The following HIKESHI variants were observed in gnomAD, a reference collection of about 807,000 sequenced individuals.
HIKESHI encodes protein Hikeshi.
Under a neutral mutation model 25.7 loss-of-function variants are expected in HIKESHI, and 13 were observed. The observed-to-expected ratio is 0.51, with a 90% confidence interval of 0.33 to 0.80. HIKESHI has a LOEUF of 0.80. Ranked by LOEUF, HIKESHI falls within the 30% of genes least tolerant of loss-of-function variation. The probability of loss-of-function intolerance (pLI) is 0.02; values close to 1 mark genes in which losing one functional copy is unlikely to be tolerated. For missense variants in HIKESHI, 174 were observed against 229.5 expected (o/e 0.76, Z 1.56); for synonymous variants, 76 against 78.7 (o/e 0.97, Z 0.18).
intron 3 of HIKESHI, among the ~76,000 whole-genome samples, chr11:86,338,572 A>G (rs1212836886): frequency 2.0e-5 from 3 of 152,188 alleles, no homozygotes; most frequent in African/African-American, 7.2e-5. Context: ...AGACTACTAA[A>G]TAAGTCTTCT....
chr11:86,306,349 A>G lies in HIKESHI; in HGVS notation c.135A>G (p.Pro45=), dbSNP rs1486953303. The part of the protein sequence containing the change: ...HVVVFMLGTI[P]FPEGMGGSVY... ...TGGTTTTTATGCTGGGAACAATCCCATTTCCTGAGGGAATGGGAGGATCTG... is the reference window on the plus strand; with the variant it reads ...TGGTTTTTATGCTGGGAACAATCCCGTTTCCTGAGGGAATGGGAGGATCTG... The change falls in exon 2 of 5, where the codon CCA becomes CCG. Residue 45 remains proline (P), a synonymous_variant. Coordinates refer to ENST00000278483, the MANE Select transcript of HIKESHI (RefSeq NM_016401.4). The G allele has an allele frequency of 9.9e-6, 16 of 1,613,972 alleles. No homozygotes were observed. The highest frequency in any genetic ancestry group is 3.3e-5 in the Admixed American group (2 of 60,022).
Position 86,328,195 on chromosome 11 carries a change from ACTATT to A in HIKESHI, c.269-9180_269-9176del, listed in dbSNP as rs1947331990. ...ATCTAGATACTCAGATTTTTCATTT[ACTATT>A]CTAAGTGTAATATTTTCCTTTCCTA... On this transcript the variant is annotated intron_variant, in intron 2 of 4. Coordinates refer to ENST00000278483, the MANE Select transcript of HIKESHI (RefSeq NM_016401.4). 1.3e-5 allele frequency among the ~76,000 whole-genome samples: 2 copies of A among 152,180 alleles called. 1 individual carries two copies. Among genetic ancestry groups the A allele is most frequent in the African/African-American group, 4.8e-5 (2 of 41,450 alleles).
At chr11:86,305,412 G>A (rs551969004) in intron 1 of HIKESHI, among the ~76,000 whole-genome samples, 9 of 151,796 alleles carry the variant, frequency 5.9e-5, no homozygotes, top group East Asian at 1.9e-4. Flanking sequence ...TTTTTGAGAC[G>A]GAGTTTAGCT....
intron 2 of HIKESHI, among the ~76,000 whole-genome samples, chr11:86,328,597 C>T (rs1189266682): frequency 1.3e-5 from 2 of 152,018 alleles, no homozygotes; most frequent in African/African-American, 4.8e-5. Context: ...GTAACTGCCA[C>T]CACGCCCGGC....
intron 2 of HIKESHI, among the ~76,000 whole-genome samples, chr11:86,309,010 A>AT (rs1555183595): frequency 1.3e-5 from 2 of 151,686 alleles, no homozygotes; most frequent in African/African-American, 2.4e-5. Flanking sequence ...TGCTATTGTG[A>AT]ATAGTGCCAC....
rs1378833456 is a variant in HIKESHI at position 86,302,290 on chromosome 11, G to A, written c.-159G>A. 5.0e-6 allele frequency: 4 copies of A among 797,980 alleles called. No individual in the cohort carries two copies. In the Admixed American group the frequency reaches 8.4e-5, roughly 17 times the overall value. 49.4% of individuals were successfully genotyped at this position (797,980 alleles called of 1,614,324 possible). On this transcript the variant is annotated 5_prime_UTR_variant, in exon 1 of 5. Coordinates refer to ENST00000278483, the MANE Select transcript of HIKESHI (RefSeq NM_016401.4). ...GAAGAGAAGGTCAGAGTTCGCGGGG[G>A]CAGAGGCATTCTTGCCGCTGGCCCA...
At chr11:86,321,690 C>T (rs1038374933) in intron 2 of HIKESHI, among the ~76,000 whole-genome samples, 9 of 151,950 alleles carry the variant, frequency 5.9e-5, no homozygotes, top group East Asian at 1.9e-4. Flanking sequence ...CCATTATGCC[C>T]GGCTGATTTT....
chr11:86,337,374 T>C lies in HIKESHI; in HGVS notation c.269-5T>C, dbSNP rs1474918343. 6 of 1,610,338 alleles carry C rather than the reference T, an allele frequency of 3.7e-6. No homozygotes were observed. The highest frequency in any genetic ancestry group is 5.1e-6 in the Non-Finnish European group (6 of 1,178,882). The stretch of plus-strand genomic sequence containing the variant: ...AAATGTGTGTCATATGTTAATTTCT[T>C]GCAGGAGAAGGAAGCCAACATCCTT... On this transcript the variant is annotated splice_region_variant and splice_polypyrimidine_tract_variant and intron_variant, in intron 2 of 4. Coordinates refer to ENST00000278483, the MANE Select transcript of HIKESHI (RefSeq NM_016401.4).
chr11:86,320,154 G>A (rs528170497), intron 2 of HIKESHI, among the ~76,000 whole-genome samples: 10 of 152,266 alleles, frequency 6.6e-5, no homozygotes, highest in South Asian at 2.1e-4. Context: ...GGATATATGT[G>A]TTTAGATATA....
At chr11:86,302,795 C>G (rs1196519800) in intron 1 of HIKESHI, among the ~76,000 whole-genome samples, 1 of 152,198 alleles carries the variant, frequency 6.6e-6, no homozygotes, top group Admixed American at 6.5e-5. Flanking sequence ...GAACTTAATC[C>G]TCATAACTCG....
At chr11:86,336,258 T>G (rs1394465935) in intron 2 of HIKESHI, among the ~76,000 whole-genome samples, 1 of 152,104 alleles carries the variant, frequency 6.6e-6, no homozygotes, top group African/African-American at 2.4e-5. Flanking sequence ...GCAGACACAG[T>G]GTAATGAGAG....
intron 1 of HIKESHI, among the ~76,000 whole-genome samples, chr11:86,305,885 T>C (rs1221969475): frequency 6.6e-6 from 1 of 151,974 alleles, no homozygotes; most frequent in Non-Finnish European, 1.5e-5. Context: ...GGAATACTTA[T>C]GCATGAGCCA....
At chr11:86,315,324 C>CT (rs11371642) in intron 2 of HIKESHI, among the ~76,000 whole-genome samples, 91,492 of 149,452 alleles carry the variant, frequency 0.61, 28,009 homozygotes, top group East Asian at 0.78. Flanking sequence ...AATAAAATAA[C>CT]TTCCTTTTTT....
rs1946512601 is a variant in HIKESHI, at chr11:86,302,285, C to T, written c.-164C>T. 3 of 767,690 alleles carry T rather than the reference C, an allele frequency of 3.9e-6. No individual in the cohort carries two copies. The highest frequency in any genetic ancestry group is 1.5e-5 in the South Asian group (1 of 65,132). The allele number at this position is 767,690 out of a possible 1,614,324, so 47.6% of individuals were successfully genotyped here. Reference sequence around the variant, plus strand: ...CTTAGGAAGAGAAGGTCAGAGTTCGCGGGGGCAGAGGCATTCTTGCCGCTG... The same window carrying T: ...CTTAGGAAGAGAAGGTCAGAGTTCGTGGGGGCAGAGGCATTCTTGCCGCTG... On this transcript the variant is annotated 5_prime_UTR_variant, in exon 1 of 5. Coordinates refer to ENST00000278483, the MANE Select transcript of HIKESHI (RefSeq NM_016401.4).
chr11:86,320,826 T>C (rs1565730230), intron 2 of HIKESHI, among the ~76,000 whole-genome samples: 1 of 152,248 alleles, frequency 6.6e-6, no homozygotes, highest in African/African-American at 2.4e-5. Context: ...GAGTTTTATA[T>C]AGATGAAGTC....
chr11:86,341,488 C>CTTTTTTTTTTTTTTTTTTTTTT (rs112151717), intron 3 of HIKESHI, among the ~76,000 whole-genome samples: 1 of 142,810 alleles, frequency 7.0e-6, no homozygotes. Flanking sequence ...TGGAATTCTC[C>CTTTTTTTTTTTTTTTTTTTTTT]TTTTTTTTTT....
At chr11:86,308,622 AG>A (rs1946749041) in intron 2 of HIKESHI, among the ~76,000 whole-genome samples, 1 of 142,240 alleles carries the variant, frequency 7.0e-6, no homozygotes, top group East Asian at 2.1e-4. Context: ...CAGAACGTGC[AG>A]GTTCATTACA....
intron 2 of HIKESHI, among the ~76,000 whole-genome samples, chr11:86,316,390 T>G (rs988647919): frequency 1.6e-4 from 24 of 152,070 alleles, no homozygotes; most frequent in African/African-American, 5.6e-4. Context: ...CAGGTGCTCG[T>G]AATCCCAGCT....
At chr11:86,339,602 C>G (rs981373562) in intron 3 of HIKESHI, among the ~76,000 whole-genome samples, 3 of 152,262 alleles carry the variant, frequency 2.0e-5, no homozygotes, top group Admixed American at 2.0e-4. Context: ...CTTTCCTATT[C>G]ATATTTTAGT....
Sources: gnomAD v4.1 joint callset for allele counts (sites outside exome capture counted in the v4.1 genomes callset) on GRCh38, gnomAD v4.1.1 for gene constraint, MANE v1.5 for transcripts, NCBI Gene and HGNC (gene_info 2026-07-23, HGNC 2026-07-21) for gene names.